The following NXPH1 variants were observed in gnomAD, a reference collection of about 807,000 sequenced individuals.
The protein encoded by NXPH1 is neurexophilin-1.
Under a neutral mutation model 23.7 loss-of-function variants are expected in NXPH1, and 5 were observed. That is an observed-to-expected ratio of 0.21 (90% confidence interval 0.11 to 0.44). The LOEUF is 0.44. NXPH1 is among the 20% of genes least tolerant of loss of function. NXPH1 has a pLI of 0.99. For missense variants in NXPH1, 324 were observed against 321.6 expected (o/e 1.01, Z -0.06); for synonymous variants, 144 against 122.2 (o/e 1.18, Z -1.18).
chr7:8,461,220 C>T (rs1264686668), intron 2 of NXPH1, among the ~76,000 whole-genome samples: 1 of 152,196 alleles, frequency 6.6e-6, no homozygotes, highest in Non-Finnish European at 1.5e-5. Flanking sequence ...ATTCTCCATC[C>T]TCCCTCTGTC....
At chr7:8,637,975 C>T (rs970977926) in intron 2 of NXPH1, among the ~76,000 whole-genome samples, 2 of 152,008 alleles carry the variant, frequency 1.3e-5, no homozygotes, top group Non-Finnish European at 1.5e-5. Context: ...TCTAGACTAT[C>T]AAATTAAATA....
chr7:8,450,580 G>A (rs1481165582), intron 2 of NXPH1, among the ~76,000 whole-genome samples: 3 of 152,214 alleles, frequency 2.0e-5, no homozygotes, highest in African/African-American at 4.8e-5. Flanking sequence ...TTTGCCCCAA[G>A]TGGAAATCCT....
chr7:8,625,322 C>G (rs757904698), intron 2 of NXPH1, among the ~76,000 whole-genome samples: 2 of 152,044 alleles, frequency 1.3e-5, no homozygotes, highest in Non-Finnish European at 2.9e-5. Context: ...TATTATGTTG[C>G]TATGCATTGG....
intron 2 of NXPH1, among the ~76,000 whole-genome samples, chr7:8,506,292 A>G (rs1817521078): frequency 6.6e-6 from 1 of 152,068 alleles, no homozygotes; most frequent in African/African-American, 2.4e-5. Context: ...TCAAAGACCC[A>G]AGTTTGAGTT....
At chr7:8,678,436 A>G (rs552884232) in intron 2 of NXPH1, among the ~76,000 whole-genome samples, 2 of 151,796 alleles carry the variant, frequency 1.3e-5, no homozygotes, top group East Asian at 1.9e-4. Flanking sequence ...GGTCTGTGGG[A>G]GTTTCTCATT....
At chr7:8,732,047 G>C (rs557834821) in intron 2 of NXPH1, among the ~76,000 whole-genome samples, 1 of 152,228 alleles carries the variant, frequency 6.6e-6, no homozygotes. Context: ...CTCCTGGTGC[G>C]CCATTTTTTA....
chr7:8,530,931 A>G (rs1817940882), intron 2 of NXPH1, among the ~76,000 whole-genome samples: 4 of 152,316 alleles, frequency 2.6e-5, no homozygotes, highest in South Asian at 2.1e-4. Flanking sequence ...GCAATGAGGT[A>G]TATTTATTCT....
chr7:8,466,094 T>A (rs920390915), intron 2 of NXPH1, among the ~76,000 whole-genome samples: 1 of 152,212 alleles, frequency 6.6e-6, no homozygotes, highest in African/African-American at 2.4e-5. Flanking sequence ...GATTTGGTAC[T>A]GTTGGCTTCT....
rs1251150496 is a variant in NXPH1 at position 8,652,939 on chromosome 7, T to TA, written c.55-98069_55-98068insA. On this transcript the variant is annotated intron_variant, in intron 2 of 2. Coordinates refer to ENST00000405863, the MANE Select transcript of NXPH1 (RefSeq NM_152745.3). ...GAGACTTCTTTCTGCTTTGATTTTT[T>TA]TAATATATTTTGTTAACACAGAAAA... Among the ~76,000 whole-genome samples, 10 of 150,526 alleles carry TA rather than the reference T, an allele frequency of 6.6e-5. No individual in the cohort carries two copies. The East Asian group carries it at 1.0e-3, about 16-fold the overall frequency.
chr7:8,537,592 G>A (rs1229115032), intron 2 of NXPH1, among the ~76,000 whole-genome samples: 1 of 151,908 alleles, frequency 6.6e-6, no homozygotes, highest in Non-Finnish European at 1.5e-5. Flanking sequence ...TCCTTCCCAT[G>A]ACACATGGGG....
At chr7:8,642,926 C>A (rs1299642494) in intron 2 of NXPH1, among the ~76,000 whole-genome samples, 1 of 151,722 alleles carries the variant, frequency 6.6e-6, no homozygotes, top group East Asian at 1.9e-4. Context: ...GTACAGTGGC[C>A]CAATCTCGGT....
At chr7:8,503,429 C>A (rs901818159) in intron 2 of NXPH1, among the ~76,000 whole-genome samples, 9 of 151,960 alleles carry the variant, frequency 5.9e-5, no homozygotes, top group African/African-American at 2.2e-4. Context: ...CTTGCATTAT[C>A]CTGTGACTTT....
intron 2 of NXPH1, among the ~76,000 whole-genome samples, chr7:8,580,661 T>C (rs1818848535): frequency 6.6e-6 from 1 of 152,052 alleles, no homozygotes; most frequent in Non-Finnish European, 1.5e-5. Flanking sequence ...GAATTCTGAT[T>C]GGCACTTGAG....
intron 2 of NXPH1, among the ~76,000 whole-genome samples, chr7:8,475,473 A>G (rs1816953946): frequency 6.6e-6 from 1 of 152,248 alleles, no homozygotes; most frequent in South Asian, 2.1e-4. Flanking sequence ...AACCCATGGA[A>G]TGAAGATTTC....
intron 2 of NXPH1, among the ~76,000 whole-genome samples, chr7:8,546,968 C>A (rs967077200): frequency 8.6e-5 from 13 of 151,392 alleles, no homozygotes; most frequent in African/African-American, 3.1e-4. Flanking sequence ...TGATACTGGC[C>A]TTGGACTTTC....
intron 2 of NXPH1, among the ~76,000 whole-genome samples, chr7:8,535,210 T>C (rs1039568701): frequency 1.3e-5 from 2 of 152,050 alleles, no homozygotes; most frequent in African/African-American, 2.4e-5. Context: ...AGTCCTATCT[T>C]TGACTCAGGT....
chr7:8,616,069 T>A (rs1163565584), intron 2 of NXPH1, among the ~76,000 whole-genome samples: 1 of 152,050 alleles, frequency 6.6e-6, no homozygotes, highest in East Asian at 1.9e-4. Flanking sequence ...TCATCATGAC[T>A]TCATTACATC....
At chr7:8,480,530 G>C (rs1313714896) in intron 2 of NXPH1, among the ~76,000 whole-genome samples, 1 of 152,094 alleles carries the variant, frequency 6.6e-6, no homozygotes, top group Admixed American at 6.6e-5. Flanking sequence ...GGTGACATAG[G>C]CTCGTTGTCA....
rs142126003 is a variant in NXPH1, at chr7:8,486,036, C to T, written c.54+50269C>T. On this transcript the variant is annotated intron_variant, in intron 2 of 2. Transcript: ENST00000405863. ...GATAAAATGCCTAGAAAGAGTTACT[C>T]TTGGGATTTTAAAACATATGATGGG... Among the ~76,000 whole-genome samples, 577 of 152,260 alleles carry T rather than the reference C, an allele frequency of 3.8e-3. 3 individuals carry two copies. Among genetic ancestry groups the T allele is most frequent in the African/African-American group, 0.013 (540 of 41,548 alleles).
Sources: allele counts gnomAD v4.1 joint callset (sites outside exome capture counted in the v4.1 genomes callset), GRCh38; gene constraint gnomAD v4.1.1; transcripts MANE v1.5; gene names NCBI Gene and HGNC (gene_info 2026-07-23, HGNC 2026-07-21).